Variants in BOC observed in about 807,000 individuals in gnomAD.
The protein encoded by BOC is BOC cell adhesion associated, oncogene regulated, also known as brother of CDO.
BOC carries 76 observed loss-of-function variants against 112.0 expected under a neutral mutation model. That is an observed-to-expected ratio of 0.68 (90% CI 0.56 to 0.82). The LOEUF is 0.82. Among genes scored for constraint, BOC ranks in the 40% least tolerant of loss-of-function variants. The pLI, the probability that BOC is intolerant of heterozygous loss-of-function variation, is 0.00. For missense variants in BOC, 1,309 were observed against 1,511.7 expected (o/e 0.87, Z 2.22); for synonymous variants, 580 against 599.8 (o/e 0.97, Z 0.48).
intron 15 of BOC, among the ~76,000 whole-genome samples, chr3:113,283,056 C>T (rs1359418759): frequency 6.6e-6 from 1 of 152,180 alleles, no homozygotes; most frequent in Non-Finnish European, 1.5e-5. Flanking sequence ...ATTCCCAATT[C>T]TTTTTCTGGC....
At chr3:113,249,631 A>C (rs1945360251) in intron 2 of BOC, 91 bp from the exon 3 acceptor site, 1 of 540,520 alleles carries the variant, frequency 1.9e-6, no homozygotes, top group Non-Finnish European at 3.2e-6. Flanking sequence ...CCAACAGGGA[A>C]CAAGGGACAA....
chr3:113,246,527 A>G (rs960830674), intron 2 of BOC, among the ~76,000 whole-genome samples: 2 of 152,200 alleles, frequency 1.3e-5, no homozygotes, highest in Non-Finnish European at 2.9e-5. Context: ...AATCTCTAGA[A>G]TTATCTTTCT....
chr3:113,262,358 C>T (rs1946982639), intron 4 of BOC, among the ~76,000 whole-genome samples: 1 of 152,186 alleles, frequency 6.6e-6, no homozygotes, highest in Non-Finnish European at 1.5e-5. Context: ...TGAAAGCTCC[C>T]TGTGGTTAGG....
At chr3:113,221,770 G>A (rs1940708760) in intron 2 of BOC, among the ~76,000 whole-genome samples, 1 of 152,178 alleles carries the variant, frequency 6.6e-6, no homozygotes, top group South Asian at 2.1e-4. Context: ...TCACTTCTGT[G>A]CTCAGAACTT....
intron 7 of BOC, 111 bp downstream of exon 7, chr3:113,272,814 A>G: frequency 7.5e-7 from 1 of 1,326,886 alleles, no homozygotes. Flanking sequence ...GAAAGGCCAC[A>G]TGCTGAGTGA....
intron 2 of BOC, among the ~76,000 whole-genome samples, chr3:113,220,215 C>T (rs115572158): frequency 2.8e-4 from 43 of 152,314 alleles, no homozygotes; most frequent in African/African-American, 9.6e-4. Flanking sequence ...AGGCAGTTAC[C>T]TGCAGAACAG....
Position 113,250,704 on chromosome 3 carries a change from G to C in BOC, c.247G>C (p.Gly83Arg). 6.2e-7 allele frequency: 1 copy of C among 1,614,090 alleles called. No individual in the cohort carries two copies. The highest frequency in any genetic ancestry group is 8.5e-7 in the Non-Finnish European group (1 of 1,180,020). ...GCTGAATGGCTCGGATGATGCTCTG[G>C]GTGTCCTCATCACCCACGGGACCCT... Reference protein sequence around the residue: ...KELNGSDDALGVLITHGTLVI... With the variant: ...KELNGSDDALRVLITHGTLVI... The change falls in exon 4 of 20, where the codon GGT (glycine) becomes CGT (arginine). Residue 83 changes from glycine (G) to arginine (R), a missense_variant. Gly to Arg is a moderately radical substitution (Grantham distance 125). Coordinates refer to ENST00000682979, the MANE Select transcript of BOC (RefSeq NM_001378074.1).
chr3:113,280,089 C>T lies in BOC; in HGVS notation c.2205+84C>T, dbSNP rs973500261. The T allele has an allele frequency of 2.9e-5, 39 of 1,357,336 alleles. No individual in the cohort carries two copies. In the Middle Eastern group the frequency reaches 6.8e-4, roughly 24 times the overall value. 84.1% of individuals were successfully genotyped at this position (1,357,336 alleles called of 1,614,324 possible). On this transcript the variant is annotated intron_variant, in intron 13 of 19. Coordinates refer to ENST00000682979, the MANE Select transcript of BOC (RefSeq NM_001378074.1). ...TGTGAGCCTGGGGATTAGACTCCCC[C>T]GAACAGGGCACCTGAAAGCTTCATC... is the stretch of plus-strand genomic sequence containing the variant.
chr3:113,274,445 C>T lies in BOC; in HGVS notation c.1305C>T (p.Leu435=), dbSNP rs13093741. The T allele has an allele frequency of 0.02, 31,316 of 1,603,702 alleles. 385 individuals are homozygous for T. Among genetic ancestry groups the T allele is most frequent in the Non-Finnish European group, 0.024 (28,527 of 1,172,738 alleles). The change falls in exon 9 of 20, where the codon CTC becomes CTT. Residue 435 remains leucine (L), a synonymous_variant. Transcript: ENST00000682979. The surrounding 1 kb of genome is among the most constrained non-coding windows in gnomAD (Gnocchi z 4.8). ...TGTPPVSPSK[L]GNPEQMLRGQ... is the part of the protein sequence containing the mutation. ...CACCTCCTGTATCACCCTCCAAACT[C>T]GGCAACCCTGAGCAGATGCTGAGGG...
chr3:113,224,562 GA>G lies in BOC; in HGVS notation c.-82+8289del, dbSNP rs1472831589. On this transcript the variant is annotated intron_variant, in intron 2 of 19. Transcript: ENST00000682979. ...GAGAAAGGAAAGTGCATGTGAATTG[GA>G]GGGGGTGGGGGTGGGGGGTCACGTG... is the stretch of plus-strand genomic sequence containing the variant. 3.6e-4 allele frequency among the ~76,000 whole-genome samples: 54 copies of G among 151,934 alleles called. 1 individual carries two copies. In the South Asian group the frequency reaches 0.011, roughly 31 times the overall value.
intron 4 of BOC, chr3:113,251,153 A>C (rs771325098): frequency 3.6e-6 from 2 of 561,920 alleles, no homozygotes; most frequent in Middle Eastern, 9.3e-4. Flanking sequence ...GTGCCTTCCT[A>C]CTTGGTCATC....
intron 4 of BOC, among the ~76,000 whole-genome samples, chr3:113,255,921 A>T (rs545332607): frequency 1.3e-5 from 2 of 152,370 alleles, no homozygotes; most frequent in East Asian, 1.9e-4. Context: ...AAAAATTTTT[A>T]AATTCTGGGT....
intron 4 of BOC, among the ~76,000 whole-genome samples, chr3:113,266,532 T>C (rs1374924449): frequency 6.6e-6 from 1 of 152,248 alleles, no homozygotes; most frequent in East Asian, 1.9e-4. Flanking sequence ...GTTCAAAATG[T>C]AGACCAACTT....
chr3:113,252,293 G>A (rs1361178580), intron 4 of BOC, among the ~76,000 whole-genome samples: 1 of 152,150 alleles, frequency 6.6e-6, no homozygotes, highest in Admixed American at 6.5e-5. Context: ...TCCAGGGCTT[G>A]TTCCCTCATG....
rs775915858 is a variant in BOC, at chr3:113,284,297, C to T, written c.2657-38C>T. ...GCTTTTCCAACCCATCCCGGGCTAC[C>T]TTGGCCTAAGCACACCTTTATTTTT... On this transcript the variant is annotated intron_variant, in intron 16 of 19. Transcript: ENST00000682979. The T allele has an allele frequency of 5.1e-6, 8 of 1,576,802 alleles. No homozygotes were observed. In the Admixed American group the frequency reaches 1.2e-4, roughly 23 times the overall value.
chr3:113,217,014 T>G (rs888462426), intron 2 of BOC, among the ~76,000 whole-genome samples: 2 of 152,224 alleles, frequency 1.3e-5, no homozygotes, highest in Non-Finnish European at 2.9e-5. Context: ...TGGACAGTAT[T>G]GGACAAGATG....
At chr3:113,235,903 T>G (rs925254511) in intron 2 of BOC, among the ~76,000 whole-genome samples, 1 of 152,160 alleles carries the variant, frequency 6.6e-6, no homozygotes, top group Non-Finnish European at 1.5e-5. Context: ...TCTAGAGTTG[T>G]TAAAGTGTAT....
intron 4 of BOC, among the ~76,000 whole-genome samples, chr3:113,254,069 C>A (rs1576423612): frequency 6.6e-6 from 1 of 152,166 alleles, no homozygotes; most frequent in Middle Eastern, 3.4e-3. Context: ...AATTTATTAG[C>A]CTTCATTTTA....
At chr3:113,259,141 C>T (rs1172494952) in intron 4 of BOC, among the ~76,000 whole-genome samples, 1 of 152,186 alleles carries the variant, frequency 6.6e-6, no homozygotes, top group African/African-American at 2.4e-5. Flanking sequence ...CTGCCCCAAA[C>T]AGCCAGGAGT....
Sources: allele counts gnomAD v4.1 joint callset (sites outside exome capture counted in the v4.1 genomes callset), GRCh38; gene constraint gnomAD v4.1.1; non-coding constraint Gnocchi (gnomAD v3.1); transcripts MANE v1.5; gene names NCBI Gene and HGNC (gene_info 2026-07-23, HGNC 2026-07-21).